The following ASTN1 variants were observed in gnomAD, a reference collection of about 807,000 sequenced individuals.
ASTN1 encodes the protein astrotactin-1.
ASTN1 carries 41 observed loss-of-function variants against 140.7 expected under a neutral mutation model. The ratio of observed to expected loss-of-function variants is 0.29; its 90% CI spans 0.23 to 0.38. ASTN1 has a LOEUF of 0.38. Ranked by LOEUF, ASTN1 falls within the 10% of genes least tolerant of loss-of-function variation. The pLI is 1.00. For missense variants in ASTN1, 1,479 were observed against 1,678.8 expected (o/e 0.88, Z 2.08); for synonymous variants, 640 against 652.2 (o/e 0.98, Z 0.29).
chr1:176,901,498 C>T (rs1669764516), intron 16 of ASTN1, among the ~76,000 whole-genome samples: 1 of 152,158 alleles, frequency 6.6e-6, no homozygotes, highest in East Asian at 1.9e-4. Flanking sequence ...AAACTTCTCC[C>T]TGTGGGAGCA....
chr1:176,926,207 G>C (rs951208894), intron 16 of ASTN1, among the ~76,000 whole-genome samples: 1 of 151,742 alleles, frequency 6.6e-6, no homozygotes, highest in Non-Finnish European at 1.5e-5. Context: ...CTATAAAATG[G>C]GGAGGGTAAG....
intron 1 of ASTN1, among the ~76,000 whole-genome samples, chr1:177,136,355 T>C (rs907259468): frequency 5.2e-5 from 6 of 115,910 alleles, no homozygotes; most frequent in Non-Finnish European, 1.1e-4. Flanking sequence ...TTTTTCTTCC[T>C]TTTTTTTTTT....
intron 5 of ASTN1, 78 bp from the exon 6 acceptor site, chr1:177,024,810 A>G: frequency 6.7e-7 from 1 of 1,497,608 alleles, no homozygotes; most frequent in Non-Finnish European, 9.2e-7. Flanking sequence ...TTTGCCAATC[A>G]TCCTGGCAAA....
intron 1 of ASTN1, among the ~76,000 whole-genome samples, chr1:177,161,863 A>T (rs1647390875): frequency 1.3e-5 from 2 of 152,176 alleles, no homozygotes; most frequent in South Asian, 4.1e-4. Context: ...CTTCCACAGC[A>T]TCCCTATACC....
intron 1 of ASTN1, among the ~76,000 whole-genome samples, chr1:177,088,843 T>C (rs924420385): frequency 3.9e-5 from 6 of 152,180 alleles, no homozygotes; most frequent in African/African-American, 1.4e-4. Context: ...TTTGCTCTCT[T>C]CTTTCCTCCC....
intron 12 of ASTN1, among the ~76,000 whole-genome samples, chr1:176,948,501 C>T (rs1672046381): frequency 1.3e-5 from 2 of 152,214 alleles, no homozygotes; most frequent in Admixed American, 1.3e-4. Context: ...TCGTAATCTT[C>T]TCACTCACCA....
intron 16 of ASTN1, among the ~76,000 whole-genome samples, chr1:176,925,266 G>A (rs369654026): frequency 6.6e-5 from 10 of 152,044 alleles, no homozygotes; most frequent in African/African-American, 1.9e-4. Flanking sequence ...CTCCAGTGTC[G>A]AAGTTTCTGT....
chr1:177,059,004 C>T (rs908576598), intron 2 of ASTN1, among the ~76,000 whole-genome samples: 1 of 152,192 alleles, frequency 6.6e-6, no homozygotes, highest in Admixed American at 6.5e-5. Context: ...CCTCCCTAGA[C>T]TCCCCTTCTG....
rs191350105 is a variant in ASTN1, at chr1:176,865,803, G to C, written c.3648-1282C>G. 1.7e-4 allele frequency among the ~76,000 whole-genome samples: 26 copies of C among 152,316 alleles called. No homozygotes were observed. The East Asian group carries it at 2.7e-3, about 16-fold the overall frequency. On this transcript the variant is annotated intron_variant, in intron 22 of 22. Coordinates refer to ENST00000361833, the MANE Select transcript of ASTN1 (RefSeq NM_004319.3). ...TTAATTGGACTTACAGTTCCACATG[G>C]CTGGGGAAGCCTCACAATCATGGTG...
intron 12 of ASTN1, among the ~76,000 whole-genome samples, chr1:176,946,341 C>T (rs1259177169): frequency 6.6e-6 from 1 of 152,162 alleles, no homozygotes; most frequent in Non-Finnish European, 1.5e-5. Flanking sequence ...CTCACCTTTG[C>T]TGTGCAGAGA....
At chr1:176,926,617 T>C (rs1670982504) in intron 16 of ASTN1, among the ~76,000 whole-genome samples, 1 of 152,194 alleles carries the variant, frequency 6.6e-6, no homozygotes. Flanking sequence ...ATTTGTTGAA[T>C]GAATGAATGA....
chr1:177,048,614 C>A (rs552892185), intron 2 of ASTN1, among the ~76,000 whole-genome samples: 1 of 152,162 alleles, frequency 6.6e-6, no homozygotes, highest in African/African-American at 2.4e-5. Context: ...TCAAAGGCCT[C>A]CAGAGGCAAT....
intron 21 of ASTN1, among the ~76,000 whole-genome samples, chr1:176,873,762 C>A (rs961995199): frequency 1.3e-5 from 2 of 152,140 alleles, no homozygotes; most frequent in African/African-American, 4.8e-5. Context: ...AGTGTTATTT[C>A]ACTGTCTCAA....
chr1:177,010,440 C>G (rs961690011), intron 8 of ASTN1, among the ~76,000 whole-genome samples: 1 of 152,196 alleles, frequency 6.6e-6, no homozygotes, highest in African/African-American at 2.4e-5. Flanking sequence ...TGTTGCCAAC[C>G]TCAAAGACCA....
In ASTN1 at chr1:177,110,042, C is replaced by T. The variant is rs1228657140; in HGVS notation, c.284-48777G>A. Among the ~76,000 whole-genome samples the T allele has an allele frequency of 2.0e-5, 3 of 152,296 alleles. No individual in the cohort carries two copies. In the East Asian group the frequency reaches 5.8e-4, roughly 29 times the overall value. ...CACTCCTTATTTGTCCCCCTTTCTC[C>T]ATCCTTTCCCTACCTTATTTATCTA... is the stretch of plus-strand genomic sequence containing the variant. On this transcript the variant is annotated intron_variant, in intron 1 of 22. Coordinates refer to ENST00000361833, the MANE Select transcript of ASTN1 (RefSeq NM_004319.3).
intron 9 of ASTN1, among the ~76,000 whole-genome samples, chr1:176,958,844 C>T (rs113536511): frequency 0.011 from 1,658 of 152,336 alleles, 23 homozygotes; most frequent in Non-Finnish European, 0.018. Context: ...CTCCCACCGT[C>T]CCCATCCCAT....
chr1:177,045,594 G>C (rs1677177125), intron 2 of ASTN1, among the ~76,000 whole-genome samples: 1 of 152,164 alleles, frequency 6.6e-6, no homozygotes, highest in Admixed American at 6.5e-5. Flanking sequence ...TCAAATGCAA[G>C]GTGCATGATA....
chr1:176,936,306 C>T lies in ASTN1; in HGVS notation c.2442G>A (p.Val814=), dbSNP rs1326434299. 2 of 1,613,888 alleles carry T rather than the reference C, an allele frequency of 1.2e-6. No individual in the cohort carries two copies. Among genetic ancestry groups the T allele is most frequent in the African/African-American group, 2.7e-5 (2 of 74,922 alleles). The change falls in exon 15 of 23, where the codon GTG becomes GTA. Residue 814 remains valine, a synonymous_variant. Coordinates refer to ENST00000361833, the MANE Select transcript of ASTN1 (RefSeq NM_004319.3). ...CTTGGTTGAGTTTGATGTGGTACAT[C>T]ACAGACCGGACCTTCCAGTGCTGCA... ...PVLQHWKVRS[V]MYHIKLNQVA...
intron 1 of ASTN1, among the ~76,000 whole-genome samples, chr1:177,123,548 T>A (rs1571817518): frequency 6.6e-6 from 1 of 152,108 alleles, no homozygotes; most frequent in African/African-American, 2.4e-5. Flanking sequence ...AAATATATAA[T>A]AACCCTGACT....
Sources: gnomAD v4.1 joint callset for allele counts (sites outside exome capture counted in the v4.1 genomes callset) on GRCh38, gnomAD v4.1.1 for gene constraint, MANE v1.5 for transcripts, NCBI Gene and HGNC (gene_info 2026-07-23, HGNC 2026-07-21) for gene names.